ST3GAL4: variants seen among roughly 807,000 people sequenced by gnomAD.
ST3GAL4 encodes CMP-N-acetylneuraminate-beta-galactosamide-alpha-2,3-sialyltransferase 4.
In ST3GAL4, 24 loss-of-function variants were observed where a neutral mutation model predicts 42.6. That is an observed-to-expected ratio of 0.56 (90% CI 0.41 to 0.79). ST3GAL4 has a LOEUF of 0.79. ST3GAL4 is among the 30% of genes least tolerant of loss of function. The pLI is 0.00. For synonymous variants in ST3GAL4, 135 were observed against 163.2 expected (o/e 0.83, Z 1.32); for missense variants, 311 against 430.8 (o/e 0.72, Z 2.46).
At chr11:126,407,852 A>C (rs530575518) in intron 6 of ST3GAL4, among the ~76,000 whole-genome samples, 4 of 150,482 alleles carry the variant, frequency 2.7e-5, no homozygotes, top group Admixed American at 2.6e-4. Flanking sequence ...TCATTGATAC[A>C]CCCCCCCATG....
intron 1 of ST3GAL4, among the ~76,000 whole-genome samples, chr11:126,395,092 C>T (rs558746888): frequency 3.9e-5 from 6 of 152,256 alleles, no homozygotes; most frequent in African/African-American, 9.6e-5. Flanking sequence ...GAGGCTACAG[C>T]GTCCAGCCAG....
intron 1 of ST3GAL4, among the ~76,000 whole-genome samples, chr11:126,401,162 G>A (rs1038302289): frequency 6.6e-6 from 1 of 152,066 alleles, no homozygotes; most frequent in African/African-American, 2.4e-5. Context: ...TAAAGAGCTC[G>A]AATCATCAGT....
At chr11:126,374,422 C>G (rs1197425047) in intron 1 of ST3GAL4, among the ~76,000 whole-genome samples, 1 of 146,152 alleles carries the variant, frequency 6.8e-6, no homozygotes, top group Non-Finnish European at 1.5e-5. Flanking sequence ...CCATTGTACC[C>G]CAGCCTGAAT....
chr11:126,409,038 C>T lies in ST3GAL4; in HGVS notation c.628-230C>T, dbSNP rs1591493773. The stretch of plus-strand genomic sequence containing the variant: ...CATGGTTTAGACCCTCCACTCTATA[C>T]ACCTGGTCACCTGGCCTCCCGAGGG... On this transcript the variant is annotated intron_variant, in intron 8 of 10. Coordinates refer to ENST00000444328, the MANE Select transcript of ST3GAL4 (RefSeq NM_001254757.2). The surrounding 1 kb of genome is among the most constrained non-coding windows in gnomAD (Gnocchi z 4.9). Among the ~76,000 whole-genome samples the T allele has an allele frequency of 2.0e-5, 3 of 152,318 alleles. No individual in the cohort carries two copies. In the South Asian group the frequency reaches 6.2e-4, roughly 32 times the overall value.
chr11:126,362,707 G>C (rs1434364334), intron 1 of ST3GAL4, among the ~76,000 whole-genome samples: 2 of 152,184 alleles, frequency 1.3e-5, no homozygotes, highest in African/African-American at 2.4e-5. Context: ...CCACTTACCA[G>C]TTATGTGACC....
rs990792323 is a variant in ST3GAL4, at chr11:126,379,469, G to A, written c.-61+23627G>A. 7.9e-5 allele frequency among the ~76,000 whole-genome samples: 12 copies of A among 152,020 alleles called. No homozygotes were observed. Among genetic ancestry groups the A allele is most frequent in the African/African-American group, 2.4e-4 (10 of 41,394 alleles). On this transcript the variant is annotated intron_variant, in intron 1 of 10. Coordinates refer to ENST00000444328, the MANE Select transcript of ST3GAL4 (RefSeq NM_001254757.2). The surrounding 1 kb of genome is among the most constrained non-coding windows in gnomAD (Gnocchi z 4.2). ...ATTTCTCTTGGGTATCCTTAATTTTGTTTTTATATTATTATTATTATTATT... is the reference window on the plus strand; with the variant it reads ...ATTTCTCTTGGGTATCCTTAATTTTATTTTTATATTATTATTATTATTATT...
In ST3GAL4 at chr11:126,384,048, C is replaced by G. The variant is rs1034466267; in HGVS notation, c.-60-22048C>G. 6.6e-6 allele frequency among the ~76,000 whole-genome samples: 1 copy of G among 152,180 alleles called. No individual in the cohort carries two copies. Among genetic ancestry groups the G allele is most frequent in the African/African-American group, 2.4e-5 (1 of 41,444 alleles). On this transcript the variant is annotated intron_variant, in intron 1 of 10. Coordinates refer to ENST00000444328, the MANE Select transcript of ST3GAL4 (RefSeq NM_001254757.2). This position sits in a 1 kb window ranked among gnomAD's most constrained non-coding sequence, Gnocchi z 5.5. ...CTCCCTTCCCAATGCAGGGCCCTCT[C>G]CTCTGGCGAGCCTGCCTTGATACTC...
rs1300922839 is a variant in ST3GAL4 at position 126,379,340 on chromosome 11, A to G, written c.-61+23498A>G. On this transcript the variant is annotated intron_variant, in intron 1 of 10. Coordinates refer to ENST00000444328, the MANE Select transcript of ST3GAL4 (RefSeq NM_001254757.2). This position sits in a 1 kb window ranked among gnomAD's most constrained non-coding sequence, Gnocchi z 4.2. Reference sequence around the variant, plus strand: ...TGTGAACCTTTTGTGCTAAAACAAAACAAAAACAAGTCTGAGTCAATAGAA... The same window carrying G: ...TGTGAACCTTTTGTGCTAAAACAAAGCAAAAACAAGTCTGAGTCAATAGAA... 6.6e-6 allele frequency among the ~76,000 whole-genome samples: 1 copy of G among 152,224 alleles called. No homozygotes were observed. The highest frequency in any genetic ancestry group is 1.9e-4 in the East Asian group (1 of 5,202).
chr11:126,408,520 G>T (rs1370377443), intron 8 of ST3GAL4, 24 bp downstream of exon 8: 2 of 1,612,588 alleles, frequency 1.2e-6, no homozygotes, highest in Admixed American at 1.7e-5. Flanking sequence ...CAGACTGGGG[G>T]CTGAGGCCTG....
chr11:126,362,855 G>C (rs1952294084), intron 1 of ST3GAL4, among the ~76,000 whole-genome samples: 1 of 152,192 alleles, frequency 6.6e-6, no homozygotes, highest in African/African-American at 2.4e-5. Context: ...GAGGTTGGCT[G>C]TCATATTGCA....
At chr11:126,370,834 G>A (rs952280871) in intron 1 of ST3GAL4, among the ~76,000 whole-genome samples, 13 of 151,892 alleles carry the variant, frequency 8.6e-5, no homozygotes, top group East Asian at 5.8e-4. Context: ...GTGCCACCAC[G>A]CTCGGCTAAT....
In ST3GAL4 at chr11:126,407,556, G is replaced by T. The variant is rs748387666; in HGVS notation, c.281-18G>T. 1.2e-5 allele frequency: 20 copies of T among 1,613,944 alleles called. No homozygotes were observed. Among genetic ancestry groups the T allele is most frequent in the South Asian group, 2.2e-5 (2 of 91,094 alleles). ...TGCTATCTGTCACATCAGTCCCTCC[G>T]CCTGGTACTTTTTGTAGAGGATCTG... On this transcript the variant is annotated intron_variant, in intron 5 of 10. Transcript: ENST00000444328.
At chr11:126,407,112 C>T (rs1291138671) in intron 4 of ST3GAL4, 89 bp downstream of exon 4, 1 of 1,486,686 alleles carries the variant, frequency 6.7e-7, no homozygotes, top group African/African-American at 1.4e-5. Context: ...ATGGAAAGAG[C>T]AGCTGTGTTG....
At chr11:126,367,568 C>A (rs1952479994) in intron 1 of ST3GAL4, among the ~76,000 whole-genome samples, 3 of 152,196 alleles carry the variant, frequency 2.0e-5, no homozygotes, top group African/African-American at 7.2e-5. Context: ...CTAGCCCCTG[C>A]TGAGGCTGCG....
rs919855868 is a variant in ST3GAL4 at position 126,414,106 on chromosome 11, C to T, written c.*59C>T. On this transcript the variant is annotated 3_prime_UTR_variant, in exon 11 of 11. Transcript: ENST00000444328. ...CTCTGCTGTCTGGGTGACCCCCATG[C>T]GTGGCTGTGGGGGTGGCTGGTGCCA... The T allele has an allele frequency of 2.6e-5, 40 of 1,543,900 alleles. No homozygotes were observed. Among genetic ancestry groups the T allele is most frequent in the African/African-American group, 1.8e-4 (13 of 73,516 alleles).
At chr11:126,385,970 C>T (rs540776849) in intron 1 of ST3GAL4, among the ~76,000 whole-genome samples, 10 of 152,294 alleles carry the variant, frequency 6.6e-5, no homozygotes, top group Admixed American at 2.0e-4. Context: ...CACGTGTCCC[C>T]GTGGCCTCCC....
At chr11:126,375,521 C>T (rs1436459604) in intron 1 of ST3GAL4, among the ~76,000 whole-genome samples, 7 of 152,236 alleles carry the variant, frequency 4.6e-5, no homozygotes, top group South Asian at 2.1e-4. Flanking sequence ...GTGCCAGCTC[C>T]GCTCCTCACG....
chr11:126,377,481 T>TC (rs1220163726), intron 1 of ST3GAL4, among the ~76,000 whole-genome samples: 10 of 142,670 alleles, frequency 7.0e-5, no homozygotes, highest in African/African-American at 2.6e-4. Flanking sequence ...AACACCTTCT[T>TC]TTTTTTTTTT....
intron 1 of ST3GAL4, among the ~76,000 whole-genome samples, chr11:126,380,581 T>C (rs1452318293): frequency 6.6e-6 from 1 of 152,212 alleles, no homozygotes; most frequent in Non-Finnish European, 1.5e-5. Context: ...TTTAGCTAAT[T>C]TTAGTTTTGT....
Sources: allele counts gnomAD v4.1 joint callset (sites outside exome capture counted in the v4.1 genomes callset), GRCh38; gene constraint gnomAD v4.1.1; non-coding constraint Gnocchi (gnomAD v3.1); transcripts MANE v1.5; gene names NCBI Gene and HGNC (gene_info 2026-07-23, HGNC 2026-07-21).